Variants in DNAAF4 observed in about 807,000 individuals in gnomAD.
DNAAF4 encodes the protein dynein axonemal assembly factor 4.
Under a neutral mutation model 51.8 loss-of-function variants are expected in DNAAF4, and 43 were observed. The ratio of observed to expected loss-of-function variants is 0.83; its 90% confidence interval spans 0.65 to 1.07. The LOEUF (loss-of-function observed/expected upper bound fraction) is 1.07, where lower values mean the gene tolerates loss of function less well. Among genes scored for constraint, DNAAF4 ranks in the 50% least tolerant of loss-of-function variants. The probability of loss-of-function intolerance (pLI) is 0.00; values close to 1 mark genes in which losing one functional copy is unlikely to be tolerated. For synonymous variants in DNAAF4, 194 were observed against 165.6 expected (o/e 1.17, Z -1.32); for missense variants, 581 against 493.0 (o/e 1.18, Z -1.69).
intron 7 of DNAAF4, among the ~76,000 whole-genome samples, chr15:55,437,719 C>T (rs966461348): frequency 5.3e-5 from 8 of 151,978 alleles, no homozygotes; most frequent in African/African-American, 1.7e-4. Flanking sequence ...AAGCAGAGGT[C>T]AGAATAACGC....
chr15:55,439,163 C>T (rs147979005), intron 7 of DNAAF4, among the ~76,000 whole-genome samples: 84 of 152,284 alleles, frequency 5.5e-4, no homozygotes, highest in African/African-American at 1.9e-3. Flanking sequence ...TGCAGTGGCA[C>T]AATCATAGCT....
chr15:55,418,374 T>C (rs1303444827), intron 7 of DNAAF4: 1 of 1,536,758 alleles, frequency 6.5e-7, no homozygotes, highest in African/African-American at 1.4e-5. Context: ...CCTCAAATGA[T>C]TATGTATAAA....
Position 55,495,409 on chromosome 15 carries a change from A to G in DNAAF4, c.271+2303T>C, listed in dbSNP as rs1243903048. 1.3e-4 allele frequency among the ~76,000 whole-genome samples: 20 copies of G among 150,468 alleles called. No homozygotes were observed. The South Asian group carries it at 4.0e-3, about 30-fold the overall frequency. On this transcript the variant is annotated intron_variant, in intron 3 of 9. Transcript: ENST00000321149. ...CAACTCTTTCTACCCTCAAGAGTCCATATTCAAGGCTTAATGCCAAAGGCT... is the reference window on the plus strand; with the variant it reads ...CAACTCTTTCTACCCTCAAGAGTCCGTATTCAAGGCTTAATGCCAAAGGCT...
chr15:55,450,824 G>A (rs910667918), intron 5 of DNAAF4, among the ~76,000 whole-genome samples: 4 of 152,196 alleles, frequency 2.6e-5, no homozygotes, highest in Admixed American at 6.6e-5. Context: ...AAGGACGGGC[G>A]CAGTGGCTCA....
chr15:55,456,284 G>T (rs2058019842), intron 5 of DNAAF4, among the ~76,000 whole-genome samples: 1 of 152,002 alleles, frequency 6.6e-6, no homozygotes, highest in South Asian at 2.1e-4. Context: ...GTTTCTCCAT[G>T]TTGGTCAGGC....
intron 7 of DNAAF4, among the ~76,000 whole-genome samples, chr15:55,421,467 C>CA (rs2057387690): frequency 6.6e-6 from 1 of 151,950 alleles, no homozygotes; most frequent in Non-Finnish European, 1.5e-5. Context: ...CATGCCACTG[C>CA]ACTCCAACCT....
At chr15:55,504,600 G>A (rs1429964402) in intron 1 of DNAAF4, among the ~76,000 whole-genome samples, 1 of 152,052 alleles carries the variant, frequency 6.6e-6, no homozygotes, top group African/African-American at 2.4e-5. Context: ...CAGAACAGAG[G>A]CCTCAGAAAT....
intron 5 of DNAAF4, among the ~76,000 whole-genome samples, chr15:55,466,255 T>C (rs947027474): frequency 1.1e-4 from 16 of 151,998 alleles, no homozygotes; most frequent in Admixed American, 3.9e-4. Context: ...AAACCTCGTC[T>C]CTACAAAAAA....
Position 55,470,361 on chromosome 15 carries a change from C to T in DNAAF4, c.406-3200G>A, listed in dbSNP as rs1243838472. ...GCCACCGCGCCCAGCCATATTTACC[C>T]ATTTTTAATAAAAAGATGCAAATCA... On this transcript the variant is annotated intron_variant, in intron 4 of 9. Transcript: ENST00000321149. Among the ~76,000 whole-genome samples the T allele has an allele frequency of 5.9e-5, 9 of 151,824 alleles. No homozygotes were observed. The East Asian group carries it at 1.4e-3, about 23-fold the overall frequency.
chr15:55,480,222 C>G (rs565314996), intron 4 of DNAAF4, among the ~76,000 whole-genome samples: 44 of 152,216 alleles, frequency 2.9e-4, no homozygotes, highest in Admixed American at 1.6e-3. Flanking sequence ...ATGTCACCCC[C>G]GATGGCCCAG....
intron 1 of DNAAF4, among the ~76,000 whole-genome samples, chr15:55,504,177 A>T (rs913597977): frequency 5.9e-5 from 9 of 152,156 alleles, no homozygotes; most frequent in Non-Finnish European, 8.8e-5. Context: ...CACAATTGCT[A>T]CAAAGAGAAT....
chr15:55,478,654 T>A (rs988302809), intron 4 of DNAAF4, among the ~76,000 whole-genome samples: 2 of 152,184 alleles, frequency 1.3e-5, no homozygotes, highest in African/African-American at 4.8e-5. Context: ...TCTCCAACTA[T>A]AAGAGAAGAA....
intron 4 of DNAAF4, among the ~76,000 whole-genome samples, chr15:55,479,927 T>C (rs8029564): frequency 0.71 from 107,982 of 152,006 alleles, 38,784 homozygotes; most frequent in East Asian, 0.93. Context: ...TTTATCAAGA[T>C]AATATGTGCA....
chr15:55,501,019 A>ACTT (rs2058694523), intron 1 of DNAAF4, among the ~76,000 whole-genome samples: 2 of 141,682 alleles, frequency 1.4e-5, no homozygotes, highest in African/African-American at 6.1e-5. Flanking sequence ...AAAAATGGAA[A>ACTT]CTTAAAAAAA....
At chr15:55,448,973 T>G (rs976619505) in intron 6 of DNAAF4, among the ~76,000 whole-genome samples, 3 of 151,522 alleles carry the variant, frequency 2.0e-5, no homozygotes, top group African/African-American at 4.8e-5. Context: ...TTATTTATAT[T>G]GTCATTATGT....
intron 4 of DNAAF4, among the ~76,000 whole-genome samples, chr15:55,483,843 T>A (rs1015424533): frequency 0.023 from 1,420 of 61,840 alleles, 99 homozygotes; most frequent in African/African-American, 0.053. Context: ...CTTTTTTTTT[T>A]TTTTTTTTTT....
chr15:55,505,640 A>G (rs1683204859), intron 1 of DNAAF4, among the ~76,000 whole-genome samples: 1 of 152,220 alleles, frequency 6.6e-6, no homozygotes, highest in Non-Finnish European at 1.5e-5. Context: ...TCTGGAAACC[A>G]TCACTCTCAG....
chr15:55,494,971 C>T (rs1289328872), intron 3 of DNAAF4, among the ~76,000 whole-genome samples: 4 of 152,106 alleles, frequency 2.6e-5, no homozygotes, highest in African/African-American at 9.7e-5. Flanking sequence ...ATAGATATGA[C>T]AGAGACCATA....
At chr15:55,443,118 A>T in intron 6 of DNAAF4, 1 of 1,610,500 alleles carries the variant, frequency 6.2e-7, no homozygotes, top group Non-Finnish European at 8.5e-7. Flanking sequence ...GTGTACGTTT[A>T]TATGAAGGCA....
Sources: gnomAD v4.1 joint callset for allele counts (sites outside exome capture counted in the v4.1 genomes callset) on GRCh38, gnomAD v4.1.1 for gene constraint, MANE v1.5 for transcripts, NCBI Gene and HGNC (gene_info 2026-07-23, HGNC 2026-07-21) for gene names.